Variants in TMEM163 observed in about 807,000 individuals in gnomAD.
The protein encoded by TMEM163 is transmembrane protein 163.
A neutral mutation model predicts 29.3 loss-of-function variants in TMEM163; 17 were observed. The ratio of observed to expected loss-of-function variants is 0.58; its 90% confidence interval spans 0.40 to 0.87. The LOEUF (loss-of-function observed/expected upper bound fraction) is 0.87, where lower values mean the gene tolerates loss of function less well. TMEM163 is among the 40% of genes least tolerant of loss of function. The pLI is 0.00. For missense variants in TMEM163, 303 were observed against 381.5 expected (o/e 0.79, Z 1.71); for synonymous variants, 157 against 160.6 (o/e 0.98, Z 0.17).
chr2:134,456,710 C>T lies in TMEM163; in HGVS notation c.*6G>A. On this transcript the variant is annotated 3_prime_UTR_variant, in exon 8 of 8. Coordinates refer to ENST00000281924, the MANE Select transcript of TMEM163 (RefSeq NM_030923.5). ...CTCGATGGTCTCATGCGGATGCTGG[C>T]CCCCTTCACTCAAACATCTCGTAGT... 6.2e-7 allele frequency: 1 copy of T among 1,613,926 alleles called. No individual in the cohort carries two copies. The highest frequency in any genetic ancestry group is 1.7e-5 in the Admixed American group (1 of 60,010).
At chr2:134,636,282 G>A (rs935368034) in intron 2 of TMEM163, among the ~76,000 whole-genome samples, 4 of 152,238 alleles carry the variant, frequency 2.6e-5, no homozygotes, top group Admixed American at 2.0e-4. Flanking sequence ...TTTAATGGAA[G>A]GCTGCTTCAG....
chr2:134,475,350 T>G (rs1020105983), intron 5 of TMEM163, among the ~76,000 whole-genome samples: 2 of 152,166 alleles, frequency 1.3e-5, no homozygotes, highest in Non-Finnish European at 2.9e-5. Context: ...TATTTCACAC[T>G]ATATATAAAT....
At chr2:134,518,771 G>A (rs1480103469) in intron 4 of TMEM163, among the ~76,000 whole-genome samples, 2 of 151,888 alleles carry the variant, frequency 1.3e-5, no homozygotes, top group African/African-American at 2.4e-5. Flanking sequence ...TGTCTAACTC[G>A]CCCCCTACTT....
chr2:134,638,444 G>A (rs1315576416), intron 2 of TMEM163, among the ~76,000 whole-genome samples: 4 of 152,210 alleles, frequency 2.6e-5, no homozygotes, highest in Admixed American at 2.0e-4. Context: ...TCAAGAAAAG[G>A]GGGCTGGCAG....
At chr2:134,591,813 T>A (rs755936624) in intron 2 of TMEM163, among the ~76,000 whole-genome samples, 1 of 151,568 alleles carries the variant, frequency 6.6e-6, no homozygotes, top group Non-Finnish European at 1.5e-5. Flanking sequence ...CCCATTTAGC[T>A]CTCAGAAGCA....
rs572000429 is a variant in TMEM163 at position 134,688,423 on chromosome 2, T to C, written c.322+24777A>G. Among the ~76,000 whole-genome samples the C allele has an allele frequency of 3.9e-5, 6 of 152,338 alleles. No individual in the cohort carries two copies. In the South Asian group the frequency reaches 1.2e-3, roughly 32 times the overall value. ...ACATAAAAAGTCAATAATCGACCTATGACAAATTAGAAATAATCTCTCTAG... is the reference window on the plus strand; with the variant it reads ...ACATAAAAAGTCAATAATCGACCTACGACAAATTAGAAATAATCTCTCTAG... On this transcript the variant is annotated intron_variant, in intron 2 of 7. Transcript: ENST00000281924.
intron 2 of TMEM163, among the ~76,000 whole-genome samples, chr2:134,671,529 A>T (rs899957561): frequency 2.0e-5 from 3 of 152,150 alleles, no homozygotes; most frequent in Non-Finnish European, 2.9e-5. Flanking sequence ...CTGCTGCTGC[A>T]TGGTGCTGCA....
At chr2:134,464,944 T>C (rs1192911672) in intron 6 of TMEM163, among the ~76,000 whole-genome samples, 1 of 152,054 alleles carries the variant, frequency 6.6e-6, no homozygotes, top group East Asian at 1.9e-4. Context: ...GTCACCATGC[T>C]CCGTCCTGCG....
intron 5 of TMEM163, among the ~76,000 whole-genome samples, chr2:134,490,959 T>C (rs12478044): frequency 0.12 from 17,516 of 152,294 alleles, 1,246 homozygotes; most frequent in South Asian, 0.2. Context: ...GTTCATATTA[T>C]ACTTAGGAAA....
At chr2:134,661,837 T>C (rs73958776) in intron 2 of TMEM163, among the ~76,000 whole-genome samples, 16,230 of 151,826 alleles carry the variant, frequency 0.11, 1,048 homozygotes, top group African/African-American at 0.17. Flanking sequence ...GATTTCAAAA[T>C]GGGGAGTTTT....
chr2:134,482,034 T>TA lies in TMEM163; in HGVS notation c.556-15810dup, dbSNP rs113364626. ...GGCGGTGAGAGTGAGCATCTGTAAA[T>TA]AAAATTCCACCTCCTGATTAATTCT... On this transcript the variant is annotated intron_variant, in intron 5 of 7. Coordinates refer to ENST00000281924, the MANE Select transcript of TMEM163 (RefSeq NM_030923.5). Among the ~76,000 whole-genome samples the TA allele has an allele frequency of 1.6e-4, 24 of 152,192 alleles. 1 individual carries two copies. The highest frequency in any genetic ancestry group is 5.2e-4 in the Admixed American group (8 of 15,290).
chr2:134,702,432 C>T (rs1038562436), intron 2 of TMEM163, among the ~76,000 whole-genome samples: 2 of 152,148 alleles, frequency 1.3e-5, no homozygotes, highest in African/African-American at 4.8e-5. Flanking sequence ...ACTGCTTGAG[C>T]CCAGGACTTC....
chr2:134,704,986 G>C (rs1684776083), intron 2 of TMEM163, among the ~76,000 whole-genome samples: 1 of 152,096 alleles, frequency 6.6e-6, no homozygotes, highest in Non-Finnish European at 1.5e-5. Flanking sequence ...AGTGGGGGCA[G>C]ATCACCTGAG....
At chr2:134,537,053 A>G (rs1680557917) in intron 4 of TMEM163, among the ~76,000 whole-genome samples, 2 of 152,208 alleles carry the variant, frequency 1.3e-5, no homozygotes, top group South Asian at 2.1e-4. Flanking sequence ...GCCCACAGGG[A>G]AAGAACCTTG....
rs182854113 is a variant in TMEM163 at position 134,582,232 on chromosome 2, A to G, written c.323-30141T>C. ...GTTTTGCAAAATTGTTTTCTCATCA[A>G]CTTCAAAAAAGGCAACCCAAATCCC... On this transcript the variant is annotated intron_variant, in intron 2 of 7. Coordinates refer to ENST00000281924, the MANE Select transcript of TMEM163 (RefSeq NM_030923.5). 6.6e-5 allele frequency among the ~76,000 whole-genome samples: 10 copies of G among 152,304 alleles called. 1 individual carries two copies. In the South Asian group the frequency reaches 2.1e-3, roughly 32 times the overall value.
intron 2 of TMEM163, among the ~76,000 whole-genome samples, chr2:134,587,533 C>T (rs1681849486): frequency 6.6e-6 from 1 of 152,196 alleles, no homozygotes; most frequent in Admixed American, 6.5e-5. Context: ...GCCTGTCTTC[C>T]TGCACGTCCA....
At chr2:134,584,586 C>T (rs922638070) in intron 2 of TMEM163, among the ~76,000 whole-genome samples, 5 of 148,438 alleles carry the variant, frequency 3.4e-5, no homozygotes, top group Admixed American at 2.7e-4. Context: ...TACCCAGAAA[C>T]GTAAGTTTCT....
chr2:134,505,357 T>G (rs1464082238), intron 4 of TMEM163, among the ~76,000 whole-genome samples: 3 of 151,804 alleles, frequency 2.0e-5, no homozygotes, highest in African/African-American at 7.3e-5. Flanking sequence ...CAGGCAATTC[T>G]TGTGTACACA....
chr2:134,473,169 G>T (rs1296374948), intron 5 of TMEM163, among the ~76,000 whole-genome samples: 1 of 152,054 alleles, frequency 6.6e-6, no homozygotes, highest in African/African-American at 2.4e-5. Flanking sequence ...TTGCCTTTAA[G>T]AAAAAATTAA....
Sources: allele counts gnomAD v4.1 joint callset (sites outside exome capture counted in the v4.1 genomes callset), GRCh38; gene constraint gnomAD v4.1.1; transcripts MANE v1.5; gene names NCBI Gene and HGNC (gene_info 2026-07-23, HGNC 2026-07-21).